Variants in ZNF253 observed in about 807,000 individuals in gnomAD.
ZNF253 encodes the protein DNA-binding protein.
In ZNF253, 8 loss-of-function variants were observed where a neutral mutation model predicts 11.9. That is an observed-to-expected ratio of 0.67 (90% CI 0.40 to 1.22). ZNF253 has a LOEUF of 1.22. ZNF253 is among the 50% of genes most tolerant of loss of function. The pLI, the probability that ZNF253 is intolerant of heterozygous loss-of-function variation, is 0.01. For synonymous variants in ZNF253, 194 were observed against 194.9 expected (o/e 1.00, Z 0.04); for missense variants, 485 against 586.9 (o/e 0.83, Z 1.79).
At chr19:19,873,798 A>G (rs1198643894) in intron 1 of ZNF253, among the ~76,000 whole-genome samples, 1 of 152,168 alleles carries the variant, frequency 6.6e-6, no homozygotes, top group East Asian at 1.9e-4. Flanking sequence ...GGTTGGTGCA[A>G]TAAATAGATG....
intron 1 of ZNF253, among the ~76,000 whole-genome samples, chr19:19,872,017 T>A (rs1230562969): frequency 6.6e-6 from 1 of 152,136 alleles, no homozygotes; most frequent in African/African-American, 2.4e-5. Flanking sequence ...CAGGCAGAAT[T>A]GTGTCTCTGC....
In ZNF253 at chr19:19,892,685, T is replaced by C. The variant is rs2063238645; in HGVS notation, c.1438T>C (p.Tyr480His). 1 of 1,610,098 alleles carries C rather than the reference T, an allele frequency of 6.2e-7. No individual in the cohort carries two copies. The highest frequency in any genetic ancestry group is 2.2e-5 in the East Asian group (1 of 44,832). ...GAAAATTCATATTGAACGAAAACCC[T>C]ACATAGTGAAGAATGTGACAGATCT... The part of the protein sequence containing the change: ...HKKIHIERKP[Y>H]IVKNVTDLLN... Residue 480 changes from tyrosine (Y) to histidine (H), a missense_variant, in exon 4 of 4, where the codon TAC (tyrosine) becomes CAC (histidine). Around this residue, in one of 3 missense-constraint regions of ZNF253, gnomAD observed 232 missense variants for 321.4 expected, o/e 0.72. Coordinates refer to ENST00000589717, the MANE Select transcript of ZNF253 (RefSeq NM_021047.3).
At chr19:19,883,388 G>A (rs1002707087) in intron 3 of ZNF253, among the ~76,000 whole-genome samples, 1 of 152,102 alleles carries the variant, frequency 6.6e-6, no homozygotes, top group Non-Finnish European at 1.5e-5. Flanking sequence ...AAGGCAGGAG[G>A]ATCCCTGGAG....
At chr19:19,879,370 G>T (rs1023511026) in intron 2 of ZNF253, among the ~76,000 whole-genome samples, 1 of 151,874 alleles carries the variant, frequency 6.6e-6, no homozygotes, top group Non-Finnish European at 1.5e-5. Flanking sequence ...GTATTTCTCT[G>T]AACCCCCACC....
chr19:19,890,148 T>C (rs2063222528), intron 3 of ZNF253, among the ~76,000 whole-genome samples: 1 of 152,232 alleles, frequency 6.6e-6, no homozygotes, highest in African/African-American at 2.4e-5. Context: ...TCAATTGTTT[T>C]GGCTAGAGAT....
intron 3 of ZNF253, among the ~76,000 whole-genome samples, chr19:19,884,757 G>A (rs892856197): frequency 1.3e-5 from 2 of 151,950 alleles, no homozygotes; most frequent in African/African-American, 4.8e-5. Context: ...TTTTCCACCA[G>A]CAGTCAACAT....
intron 1 of ZNF253, among the ~76,000 whole-genome samples, chr19:19,869,677 TTTTTTTTTTTA>T (rs1291056751): frequency 9.8e-5 from 12 of 122,050 alleles, no homozygotes; most frequent in Non-Finnish European, 1.9e-4. Flanking sequence ...TTTTTTTTTT[TTTTTTTTTTTA>T]AAAAACAGTC....
At chr19:19,889,928 C>T (rs1482844425) in intron 3 of ZNF253, among the ~76,000 whole-genome samples, 1 of 152,226 alleles carries the variant, frequency 6.6e-6, no homozygotes. Context: ...GAATGAGCTT[C>T]CAAGCTTGGC....
intron 3 of ZNF253, among the ~76,000 whole-genome samples, chr19:19,890,616 CAGTTGA>C (rs1376507998): frequency 1.7e-3 from 258 of 150,954 alleles, no homozygotes; most frequent in Non-Finnish European, 1.6e-3. Context: ...TCCGTCTCCA[CAGTTGA>C]AGCAATTCTC....
intron 3 of ZNF253, among the ~76,000 whole-genome samples, chr19:19,890,722 C>G (rs1294818377): frequency 6.6e-6 from 1 of 151,986 alleles, no homozygotes; most frequent in Non-Finnish European, 1.5e-5. Context: ...GGGGTTTCAC[C>G]ATGTTGGTCA....
Position 19,892,465 on chromosome 19 carries a change from C to T in ZNF253, c.1218C>T (p.Thr406=). 6.2e-7 allele frequency: 1 copy of T among 1,613,314 alleles called. No homozygotes were observed. Among genetic ancestry groups the T allele is most frequent in the Non-Finnish European group, 8.5e-7 (1 of 1,179,822 alleles). The change falls in exon 4 of 4, where the codon ACC becomes ACT. Residue 406 remains threonine (T), a synonymous_variant. Transcript: ENST00000589717. ...YKCDECGKTF[T]WPSILSKHKR... is the part of the protein sequence containing the mutation. The stretch of plus-strand genomic sequence containing the variant: ...GTGATGAATGTGGCAAAACCTTTAC[C>T]TGGCCCTCAATCCTCTCCAAACATA...
intron 3 of ZNF253, among the ~76,000 whole-genome samples, chr19:19,884,692 T>C (rs759082845): frequency 5.3e-5 from 8 of 152,156 alleles, no homozygotes; most frequent in Non-Finnish European, 1.0e-4. Flanking sequence ...ATTTTAGATA[T>C]AGATTTATAA....
chr19:19,869,763 G>A (rs550000975), intron 1 of ZNF253, among the ~76,000 whole-genome samples: 1 of 143,864 alleles, frequency 7.0e-6, no homozygotes, highest in Non-Finnish European at 1.5e-5. Context: ...ACTGCCTTCT[G>A]GTTTCAAGTA....
At chr19:19,891,338 G>A (rs2063228743) in intron 3 of ZNF253, 136 bp from the exon 4 acceptor site, 1 of 725,714 alleles carries the variant, frequency 1.4e-6, no homozygotes, top group South Asian at 2.3e-5. Flanking sequence ...TATGTGTCCA[G>A]GAAGAAATCA....
intron 1 of ZNF253, among the ~76,000 whole-genome samples, chr19:19,869,987 C>T (rs1007126931): frequency 1.1e-4 from 17 of 152,090 alleles, no homozygotes; most frequent in Admixed American, 9.8e-4. Flanking sequence ...ATAGTATGAA[C>T]ATAAAGCCAC....
chr19:19,881,073 A>T (rs2063176045), intron 3 of ZNF253, among the ~76,000 whole-genome samples: 1 of 152,174 alleles, frequency 6.6e-6, no homozygotes, highest in Admixed American at 6.5e-5. Flanking sequence ...TGCAATTTTG[A>T]TAGGAAGTGT....
chr19:19,885,073 G>A (rs1230449616), intron 3 of ZNF253, among the ~76,000 whole-genome samples: 2 of 152,074 alleles, frequency 1.3e-5, no homozygotes, highest in Middle Eastern at 3.4e-3. Flanking sequence ...TCTAAGGGAC[G>A]TTGTCACTCC....
upstream of ZNF253, chr19:19,865,874 A>G: frequency 8.0e-7 from 1 of 1,249,068 alleles, no homozygotes; most frequent in Non-Finnish European, 1.2e-6. Context: ...CTGCAGCGGG[A>G]GCTCCAGGTT....
At chr19:19,884,599 T>A (rs1471500885) in intron 3 of ZNF253, among the ~76,000 whole-genome samples, 1 of 152,236 alleles carries the variant, frequency 6.6e-6, no homozygotes, top group Non-Finnish European at 1.5e-5. Context: ...TTTGAACTTC[T>A]GACCTCAGGT....
Sources: allele counts gnomAD v4.1 joint callset (sites outside exome capture counted in the v4.1 genomes callset), GRCh38; gene constraint gnomAD v4.1.1; regional missense constraint gnomAD v4.1.1; transcripts MANE v1.5; gene names NCBI Gene and HGNC (gene_info 2026-07-23, HGNC 2026-07-21).